The following CCSER1 variants were observed in gnomAD, a reference collection of about 807,000 sequenced individuals.
CCSER1 encodes coiled-coil serine rich protein 1, also known as serine-rich coiled-coil domain-containing protein 1.
In CCSER1, 41 loss-of-function variants were observed where a neutral mutation model predicts 82.0. The ratio of observed to expected loss-of-function variants is 0.50; its 90% CI spans 0.39 to 0.65. CCSER1 has a LOEUF of 0.65. CCSER1 is among the 30% of genes least tolerant of loss of function. The pLI is 0.00. For synonymous variants in CCSER1, 414 were observed against 383.9 expected, an observed-to-expected ratio of 1.08 and a Z score of -0.92; for missense variants, 1,119 against 1,064.2, an observed-to-expected ratio of 1.05 and a Z score of -0.72.
chr4:90,277,030 A>G (rs536417042), intron 1 of CCSER1, among the ~76,000 whole-genome samples: 1 of 151,826 alleles, frequency 6.6e-6, no homozygotes, highest in East Asian at 1.9e-4. Context: ...TAGGTATAGA[A>G]TCATATTGTC....
chr4:90,168,682 C>G (rs993942860), intron 1 of CCSER1, among the ~76,000 whole-genome samples: 1 of 152,012 alleles, frequency 6.6e-6, no homozygotes, highest in Non-Finnish European at 1.5e-5. Context: ...CCAGTTTCAG[C>G]TTTCTACATA....
chr4:91,557,632 T>TA (rs1243323776), intron 10 of CCSER1, among the ~76,000 whole-genome samples: 1 of 151,412 alleles, frequency 6.6e-6, no homozygotes, highest in Non-Finnish European at 1.5e-5. Flanking sequence ...GAAGAAGAGA[T>TA]AATTGAGCTA....
At chr4:91,579,260 G>T (rs1763610271) in intron 10 of CCSER1, among the ~76,000 whole-genome samples, 1 of 151,388 alleles carries the variant, frequency 6.6e-6, no homozygotes, top group African/African-American at 2.4e-5. Context: ...CATTCAGGGG[G>T]TACATGTGCA....
Position 90,740,695 on chromosome 4 carries a change from C to G in CCSER1, c.2010+16704C>G, listed in dbSNP as rs900472103. Among the ~76,000 whole-genome samples the G allele has an allele frequency of 3.3e-5, 5 of 152,100 alleles. No individual in the cohort carries two copies. The South Asian group carries it at 1.0e-3, about 32-fold the overall frequency. ...TTCTTCCTTCTACAGTTCACACATT[C>G]ATTTTCTGTCTTAAATTTAAATTTC... On this transcript the variant is annotated intron_variant, in intron 7 of 10. Transcript: ENST00000509176.
chr4:90,562,598 G>A (rs1363179044), intron 5 of CCSER1, among the ~76,000 whole-genome samples: 1 of 151,388 alleles, frequency 6.6e-6, no homozygotes, highest in East Asian at 2.0e-4. Context: ...AGTGCAGTGG[G>A]GCAGTCTCAG....
chr4:91,013,162 A>G (rs917096559), intron 9 of CCSER1, among the ~76,000 whole-genome samples: 3 of 134,156 alleles, frequency 2.2e-5, no homozygotes, highest in African/African-American at 7.4e-5. Flanking sequence ...CATTTTGCTA[A>G]TGTCACACTC....
intron 7 of CCSER1, among the ~76,000 whole-genome samples, chr4:90,738,835 G>A (rs986175912): frequency 6.6e-6 from 1 of 152,140 alleles, no homozygotes; most frequent in Non-Finnish European, 1.5e-5. Context: ...TATGGTGAAT[G>A]CTCTTGTCCT....
At chr4:90,657,490 C>A (rs1447048438) in intron 6 of CCSER1, among the ~76,000 whole-genome samples, 3 of 152,066 alleles carry the variant, frequency 2.0e-5, no homozygotes, top group Non-Finnish European at 4.4e-5. Flanking sequence ...CTGTTTTTTA[C>A]TTCTGGGACT....
intron 9 of CCSER1, among the ~76,000 whole-genome samples, chr4:90,939,475 C>T (rs889237010): frequency 4.6e-5 from 7 of 152,082 alleles, no homozygotes; most frequent in African/African-American, 1.7e-4. Flanking sequence ...TCAAGTGACC[C>T]GGTGGCTACA....
At chr4:90,385,084 A>T (rs1331797985) in intron 3 of CCSER1, among the ~76,000 whole-genome samples, 2 of 152,224 alleles carry the variant, frequency 1.3e-5, no homozygotes, top group Non-Finnish European at 2.9e-5. Flanking sequence ...ATGGATGAGT[A>T]GTATTCCATG....
chr4:90,478,844 A>T (rs1191495493), intron 5 of CCSER1, among the ~76,000 whole-genome samples: 1 of 151,116 alleles, frequency 6.6e-6, no homozygotes, highest in Non-Finnish European at 1.5e-5. Flanking sequence ...AGGTTCAAGC[A>T]ATTCTCCTGC....
At chr4:90,963,957 G>GAA (rs1215206329) in intron 9 of CCSER1, among the ~76,000 whole-genome samples, 2 of 152,084 alleles carry the variant, frequency 1.3e-5, no homozygotes, top group African/African-American at 2.4e-5. Flanking sequence ...TTCTGGGGTA[G>GAA]AAAAACAACA....
At chr4:91,166,999 GA>G (rs1732150852) in intron 10 of CCSER1, among the ~76,000 whole-genome samples, 1 of 151,982 alleles carries the variant, frequency 6.6e-6, no homozygotes, top group Non-Finnish European at 1.5e-5. Flanking sequence ...ATAGTGTTAA[GA>G]ATACTTGTAT....
intron 10 of CCSER1, among the ~76,000 whole-genome samples, chr4:91,376,723 C>T (rs1750439488): frequency 6.6e-6 from 1 of 152,082 alleles, no homozygotes; most frequent in African/African-American, 2.4e-5. Flanking sequence ...AAGAAAAAGG[C>T]ACTATCAAAT....
At chr4:90,532,412 C>T (rs1430711294) in intron 5 of CCSER1, among the ~76,000 whole-genome samples, 6 of 151,834 alleles carry the variant, frequency 4.0e-5, no homozygotes, top group African/African-American at 7.3e-5. Flanking sequence ...CTGCTTGTTC[C>T]GATGATTTTT....
chr4:90,707,694 C>T (rs181825937), intron 6 of CCSER1, among the ~76,000 whole-genome samples: 25 of 152,188 alleles, frequency 1.6e-4, no homozygotes, highest in Non-Finnish European at 2.6e-4. Context: ...TGTAATGGTG[C>T]ATTTGCCATA....
intron 10 of CCSER1, among the ~76,000 whole-genome samples, chr4:91,421,527 G>A (rs777441849): frequency 1.3e-5 from 2 of 152,066 alleles, no homozygotes; most frequent in Non-Finnish European, 2.9e-5. Flanking sequence ...ATATGGAGGC[G>A]TATCTTCTTT....
intron 10 of CCSER1, among the ~76,000 whole-genome samples, chr4:91,550,259 G>C (rs180821462): frequency 3.9e-5 from 6 of 152,236 alleles, no homozygotes; most frequent in Non-Finnish European, 2.9e-5. Flanking sequence ...TAAGGACTTC[G>C]TAGGGCTTTT....
intron 5 of CCSER1, among the ~76,000 whole-genome samples, chr4:90,624,487 G>T (rs563004227): frequency 9.9e-5 from 15 of 152,200 alleles, no homozygotes; most frequent in African/African-American, 3.4e-4. Context: ...CAAGATATAT[G>T]TTTTCCCATT....
Sources: allele counts gnomAD v4.1 joint callset (sites outside exome capture counted in the v4.1 genomes callset), GRCh38; gene constraint gnomAD v4.1.1; transcripts MANE v1.5; gene names NCBI Gene and HGNC (gene_info 2026-07-23, HGNC 2026-07-21).